PTK2: variants seen among roughly 807,000 people sequenced by gnomAD.
PTK2 encodes the protein focal adhesion kinase 1.
In PTK2, 45 loss-of-function variants were observed where a neutral mutation model predicts 150.1. That is an observed-to-expected ratio of 0.30 (90% confidence interval 0.24 to 0.38). The LOEUF (loss-of-function observed/expected upper bound fraction) is 0.38, where lower values mean the gene tolerates loss of function less well. Ranked by LOEUF, PTK2 falls within the 10% of genes least tolerant of loss-of-function variation. The pLI, the probability that PTK2 is intolerant of heterozygous loss-of-function variation, is 1.00. For missense variants in PTK2, 919 were observed against 1,307.3 expected (o/e 0.70, Z 4.58); for synonymous variants, 432 against 449.2 (o/e 0.96, Z 0.48).
chr8:140,673,726 G>T (rs2100011978), intron 29 of PTK2, among the ~76,000 whole-genome samples: 1 of 152,132 alleles, frequency 6.6e-6, no homozygotes, highest in South Asian at 2.1e-4. Flanking sequence ...AGTTCCAGCT[G>T]GCACCCCTCG....
At chr8:140,939,830 C>T (rs2100175030) in intron 1 of PTK2, among the ~76,000 whole-genome samples, 1 of 152,118 alleles carries the variant, frequency 6.6e-6, no homozygotes, top group Non-Finnish European at 1.5e-5. Context: ...GTGATAATCT[C>T]GATGTCACAA....
intron 1 of PTK2, among the ~76,000 whole-genome samples, chr8:140,998,242 T>C (rs1000460897): frequency 6.6e-6 from 1 of 152,300 alleles, no homozygotes; most frequent in African/African-American, 2.4e-5. Flanking sequence ...AAACTGAAAA[T>C]GTTAAATTTC....
intron 8 of PTK2, among the ~76,000 whole-genome samples, chr8:140,824,178 A>C (rs923971900): frequency 6.6e-6 from 1 of 152,202 alleles, no homozygotes; most frequent in Non-Finnish European, 1.5e-5. Context: ...CCGATAATTT[A>C]ATCTGCTGGA....
At chr8:140,794,543 C>G (rs962674540) in intron 12 of PTK2, among the ~76,000 whole-genome samples, 1 of 152,192 alleles carries the variant, frequency 6.6e-6, no homozygotes, top group South Asian at 2.1e-4. Flanking sequence ...CCAATGACAT[C>G]TGCCTTGCTA....
chr8:140,659,520 G>A (rs2076357999), exon 32 of PTK2: 6 of 1,613,606 alleles, frequency 3.7e-6, no homozygotes, highest in African/African-American at 2.7e-5. Context: ...CAATGACATC[G>A]AGTAAGTTTT....
exon 24 of PTK2, chr8:140,706,188 A>G: frequency 6.2e-7 from 1 of 1,613,194 alleles, no homozygotes; most frequent in Non-Finnish European, 8.5e-7. Flanking sequence ...TCGGACTGGG[A>G]TAACCCGGTC....
At chr8:140,807,227 G>A (rs2100098602) in intron 10 of PTK2, among the ~76,000 whole-genome samples, 1 of 152,160 alleles carries the variant, frequency 6.6e-6, no homozygotes, top group Non-Finnish European at 1.5e-5. Context: ...ACTGTGATAA[G>A]GACTATAACA....
chr8:140,699,350 CTCACAG>C (rs934861974), intron 26 of PTK2, among the ~76,000 whole-genome samples: 4 of 152,210 alleles, frequency 2.6e-5, no homozygotes, highest in African/African-American at 9.6e-5. Context: ...GGAATGGGTT[CTCACAG>C]TCCTTAGTTC....
At chr8:140,882,118 A>G (rs1335911100) in intron 3 of PTK2, among the ~76,000 whole-genome samples, 1 of 152,196 alleles carries the variant, frequency 6.6e-6, no homozygotes, top group East Asian at 1.9e-4. Context: ...CCTACTGCTC[A>G]TTCTCTAGCA....
At chr8:140,676,929 G>A (rs2100014230) in intron 27 of PTK2, among the ~76,000 whole-genome samples, 2 of 129,174 alleles carry the variant, frequency 1.5e-5, no homozygotes, top group African/African-American at 6.2e-5. Flanking sequence ...CAACAACAGA[G>A]GGAGACTCCA....
chr8:140,970,968 G>T (rs1044090711), intron 1 of PTK2, among the ~76,000 whole-genome samples: 25 of 151,704 alleles, frequency 1.6e-4, no homozygotes, highest in Non-Finnish European at 1.0e-4. Flanking sequence ...AAGAGTTGAG[G>T]ATACTGATAA....
At chr8:140,715,155 GTTTTTTTT>G (rs67306225) in intron 23 of PTK2, among the ~76,000 whole-genome samples, 584 of 55,952 alleles carry the variant, frequency 0.01, 59 homozygotes, top group African/African-American at 0.036. Flanking sequence ...CATTAAAACC[GTTTTTTTT>G]TTTTTTTTTT....
chr8:140,669,596 C>CA, intron 29 of PTK2, 131 bp downstream of exon 33: 1 of 962,426 alleles, frequency 1.0e-6, no homozygotes, highest in Non-Finnish European at 1.6e-6. Flanking sequence ...ATCTGTCAGT[C>CA]ATGAGAGGTG....
At chr8:140,879,424 C>A (rs1600208486) in intron 4 of PTK2, 47 bp downstream of exon 4, 3 of 1,503,280 alleles carry the variant, frequency 2.0e-6, no homozygotes, top group South Asian at 2.7e-5. Context: ...TTTTAAAAAG[C>A]AAAAGAAATC....
At chr8:140,707,134 T>C (rs1316538986) in intron 23 of PTK2, among the ~76,000 whole-genome samples, 3 of 152,126 alleles carry the variant, frequency 2.0e-5, no homozygotes, top group Non-Finnish European at 4.4e-5. Context: ...ATATCTAGAA[T>C]AGGAAAGATT....
chr8:140,799,652 G>A (rs1458882786), intron 12 of PTK2, among the ~76,000 whole-genome samples: 2 of 152,158 alleles, frequency 1.3e-5, no homozygotes, highest in Non-Finnish European at 2.9e-5. Flanking sequence ...TAAAATCTAG[G>A]AGCATCAAGT....
chr8:140,822,022 G>C (rs2100108905), intron 8 of PTK2: 1 of 152,224 alleles, frequency 6.6e-6, no homozygotes, highest in Admixed American at 6.5e-5. Context: ...CTACAACAGA[G>C]CATGCAGATT....
rs1221439360 is a variant in PTK2, at chr8:140,695,809, G to A, written c.2499+5082C>T. Reference sequence around the variant, plus strand: ...GACCACGTCTCAACAATCAACTGGGGTGCTTGTTATCTCTCTAGGTCCTTG... The same window carrying A: ...GACCACGTCTCAACAATCAACTGGGATGCTTGTTATCTCTCTAGGTCCTTG... On this transcript the variant is annotated intron_variant, in intron 26 of 31. Coordinates refer to ENST00000522684, the Ensembl canonical transcript of PTK2. 2.6e-5 allele frequency among the ~76,000 whole-genome samples: 4 copies of A among 152,126 alleles called. No individual in the cohort carries two copies. The East Asian group carries it at 7.7e-4, about 29-fold the overall frequency.
intron 1 of PTK2, among the ~76,000 whole-genome samples, chr8:140,947,005 A>G (rs1299291662): frequency 2.6e-5 from 4 of 152,222 alleles, no homozygotes; most frequent in Non-Finnish European, 1.5e-5. Flanking sequence ...TACAAATATT[A>G]GGACAACTTA....
Sources: gnomAD v4.1 joint callset for allele counts (sites outside exome capture counted in the v4.1 genomes callset) on GRCh38, gnomAD v4.1.1 for gene constraint, MANE v1.5 for transcripts, NCBI Gene and HGNC (gene_info 2026-07-23, HGNC 2026-07-21) for gene names.